Variants in TYW1 observed in about 807,000 individuals in gnomAD.
The protein encoded by TYW1 is tRNA-yW synthesizing protein 1 homolog.
Under a neutral mutation model 96.2 loss-of-function variants are expected in TYW1, and 46 were observed. The observed-to-expected ratio is 0.48, with a 90% CI of 0.38 to 0.61. The LOEUF (loss-of-function observed/expected upper bound fraction) is 0.61, where lower values mean the gene tolerates loss of function less well. Ranked by LOEUF, TYW1 falls within the 20% of genes least tolerant of loss-of-function variation. TYW1 has a pLI of 0.00. For missense variants in TYW1, 684 were observed against 909.6 expected (o/e 0.75, Z 3.19); for synonymous variants, 274 against 323.0 (o/e 0.85, Z 1.63).
At chr7:67,106,064 A>C (rs1218327902) in intron 12 of TYW1, among the ~76,000 whole-genome samples, 2 of 151,732 alleles carry the variant, frequency 1.3e-5, no homozygotes, top group Non-Finnish European at 2.9e-5. Context: ...CACCCGGCTA[A>C]TTTTGTATTT....
chr7:67,161,701 C>T (rs1799167447), intron 13 of TYW1, among the ~76,000 whole-genome samples: 1 of 152,110 alleles, frequency 6.6e-6, no homozygotes. Context: ...AAATAATGCA[C>T]ATTAGATAAA....
rs192566915 is a variant in TYW1, at chr7:67,063,640, G to A, written c.1156-3645G>A. On this transcript the variant is annotated intron_variant, in intron 9 of 15. Transcript: ENST00000359626. ...TTTTTTTGAGGCGGAGTCTCGCTCTGTCACCCAGGCTGGAGTGTAGTGGCG... is the reference window on the plus strand; with the variant it reads ...TTTTTTTGAGGCGGAGTCTCGCTCTATCACCCAGGCTGGAGTGTAGTGGCG... 3.1e-3 allele frequency among the ~76,000 whole-genome samples: 464 copies of A among 151,530 alleles called. 2 individuals carry two copies. Among genetic ancestry groups the A allele is most frequent in the Non-Finnish European group, 3.8e-3 (259 of 67,940 alleles).
chr7:67,154,955 C>T (rs1262610224), intron 13 of TYW1, among the ~76,000 whole-genome samples: 1 of 152,126 alleles, frequency 6.6e-6, no homozygotes, highest in East Asian at 1.9e-4. Context: ...CCACTCTAAT[C>T]TCTTGTTGAT....
At chr7:67,093,692 A>G (rs576153639) in intron 11 of TYW1, among the ~76,000 whole-genome samples, 1 of 152,148 alleles carries the variant, frequency 6.6e-6, no homozygotes, top group Non-Finnish European at 1.5e-5. Context: ...ATAACCTAAA[A>G]AATTATTCAT....
At chr7:67,142,721 T>A (rs924535595) in intron 13 of TYW1, among the ~76,000 whole-genome samples, 2 of 151,704 alleles carry the variant, frequency 1.3e-5, no homozygotes, top group Middle Eastern at 3.4e-3. Context: ...CATGAGCCAC[T>A]GCGCCTGGCC....
At position 67,148,987 on chromosome 7, in the gene TYW1, G is replaced by A. The variant is rs146847689; in HGVS notation, c.1698+31369G>A. Among the ~76,000 whole-genome samples the A allele has an allele frequency of 9.2e-3, 1,398 of 152,282 alleles. 13 individuals carry two copies. Among genetic ancestry groups the A allele is most frequent in the Middle Eastern group, 0.024 (7 of 294 alleles). ...CCCATTGCCACAAACAGATAACAAA[G>A]AAGTCATCGCGCACCACCCCCAACC... On this transcript the variant is annotated intron_variant, in intron 13 of 15. Coordinates refer to ENST00000359626, the MANE Select transcript of TYW1 (RefSeq NM_018264.4).
At chr7:67,089,437 A>G in intron 11 of TYW1, 3 of 1,236,110 alleles carry the variant, frequency 2.4e-6, no homozygotes, top group Non-Finnish European at 3.6e-6. Flanking sequence ...GGAAGACTCC[A>G]CTGCAGGTGG....
chr7:67,144,616 G>A (rs560317890), intron 13 of TYW1, among the ~76,000 whole-genome samples: 3 of 152,210 alleles, frequency 2.0e-5, no homozygotes, highest in African/African-American at 7.2e-5. Flanking sequence ...AACTACAGGC[G>A]TGTGTCACCA....
intron 14 of TYW1, among the ~76,000 whole-genome samples, chr7:67,190,314 GAA>G (rs1002793028): frequency 2.0e-5 from 3 of 152,230 alleles, no homozygotes; most frequent in African/African-American, 7.2e-5. Flanking sequence ...TACTAGATTA[GAA>G]AAGAGTTGTG....
chr7:67,035,384 G>A (rs1487647683), intron 7 of TYW1, among the ~76,000 whole-genome samples: 1 of 152,002 alleles, frequency 6.6e-6, no homozygotes, highest in Non-Finnish European at 1.5e-5. Flanking sequence ...CCAAAGTGTT[G>A]GGATTACAAG....
chr7:67,082,592 G>A (rs1001643574), intron 10 of TYW1, among the ~76,000 whole-genome samples: 8 of 152,122 alleles, frequency 5.3e-5, no homozygotes, highest in Admixed American at 1.3e-4. Flanking sequence ...GGGCAGAATG[G>A]TCCTTGGGCC....
chr7:67,200,077 C>A (rs566477679), intron 15 of TYW1, among the ~76,000 whole-genome samples: 1 of 152,184 alleles, frequency 6.6e-6, no homozygotes, highest in Non-Finnish European at 1.5e-5. Flanking sequence ...AAGGAGCTCG[C>A]GGTTTAGTGG....
At chr7:67,006,350 G>A (rs1320643886) in intron 3 of TYW1, among the ~76,000 whole-genome samples, 2 of 151,516 alleles carry the variant, frequency 1.3e-5, no homozygotes, top group Admixed American at 1.3e-4. Context: ...AGCAGATGCC[G>A]TTACACTTCC....
chr7:67,159,848 T>C (rs924793235), intron 13 of TYW1, among the ~76,000 whole-genome samples: 1 of 151,840 alleles, frequency 6.6e-6, no homozygotes, highest in Admixed American at 6.6e-5. Flanking sequence ...TAGCCCAGGC[T>C]GGAGTGCAGT....
chr7:67,138,811 CT>C (rs1448614737), intron 13 of TYW1, among the ~76,000 whole-genome samples: 10 of 152,118 alleles, frequency 6.6e-5, no homozygotes, highest in Non-Finnish European at 1.5e-4. Context: ...GGACCTCATT[CT>C]TTTTTTATGG....
chr7:67,065,601 A>G (rs1795829911), intron 9 of TYW1, among the ~76,000 whole-genome samples: 1 of 145,950 alleles, frequency 6.9e-6, no homozygotes, highest in African/African-American at 2.5e-5. Flanking sequence ...TTCCCTTCAC[A>G]CCTTTTTTTC....
At chr7:67,218,019 C>T (rs149733436) in intron 15 of TYW1, among the ~76,000 whole-genome samples, 3,266 of 151,518 alleles carry the variant, frequency 0.022, 95 homozygotes, top group African/African-American at 0.074. Flanking sequence ...CCACCATGCC[C>T]GTCTAATTTT....
chr7:67,198,529 C>T (rs1030325236), intron 15 of TYW1, among the ~76,000 whole-genome samples: 16 of 148,428 alleles, frequency 1.1e-4, no homozygotes, highest in African/African-American at 3.0e-4. Context: ...CCAGCCTGGG[C>T]GACAGGGTGA....
chr7:67,184,637 AT>A (rs1470409405), intron 14 of TYW1, among the ~76,000 whole-genome samples: 30 of 53,320 alleles, frequency 5.6e-4, no homozygotes, highest in Admixed American at 1.2e-3. Context: ...ATTTTATTTT[AT>A]TTTATTTTAT....
Sources: allele counts gnomAD v4.1 joint callset (sites outside exome capture counted in the v4.1 genomes callset), GRCh38; gene constraint gnomAD v4.1.1; transcripts MANE v1.5; gene names NCBI Gene and HGNC (gene_info 2026-07-23, HGNC 2026-07-21).